The following CTSC variants were observed in gnomAD, a reference collection of about 807,000 sequenced individuals.
The protein encoded by CTSC is dipeptidyl peptidase 1.
Under a neutral mutation model 40.9 loss-of-function variants are expected in CTSC, and 37 were observed. The observed-to-expected ratio is 0.91, with a 90% CI of 0.70 to 1.19. The LOEUF (loss-of-function observed/expected upper bound fraction) is 1.19, where lower values mean the gene tolerates loss of function less well. Ranked by LOEUF, CTSC falls within the 50% of genes most tolerant of loss-of-function variation. The pLI, the probability that CTSC is intolerant of heterozygous loss-of-function variation, is 0.00. For synonymous variants in CTSC, 232 were observed against 207.4 expected, an observed-to-expected ratio of 1.12 and a Z score of -1.02; for missense variants, 594 against 567.3, an observed-to-expected ratio of 1.05 and a Z score of -0.48.
chr11:88,302,258 T>C (rs1343112462), intron 4 of CTSC, among the ~76,000 whole-genome samples: 3 of 152,214 alleles, frequency 2.0e-5, no homozygotes, highest in African/African-American at 7.2e-5. Context: ...TCTGGGCTAC[T>C]TCATGCCCTC....
intron 2 of CTSC, among the ~76,000 whole-genome samples, chr11:88,331,769 G>A (rs1341819834): frequency 1.3e-5 from 2 of 152,168 alleles, no homozygotes; most frequent in Non-Finnish European, 2.9e-5. Context: ...TGTTCCTTCT[G>A]CTATGGTATG....
chr11:88,324,762 G>A lies in CTSC; in HGVS notation c.318+10175C>T, dbSNP rs769642250. 2.1e-5 allele frequency: 21 copies of A among 985,396 alleles called. No individual in the cohort carries two copies. The East Asian group carries it at 3.4e-4, about 16-fold the overall frequency. 61.0% of individuals were successfully genotyped at this position (985,396 alleles called of 1,614,324 possible). A position where few individuals can be genotyped will look rare whatever the true frequency, so the allele number is the denominator to read the frequency against. On this transcript the variant is annotated intron_variant, in intron 2 of 6. Transcript: ENST00000227266. ...CTGATGTTTCTCACGGTAATAGAGA[G>A]AGCTGGGGAGGGTTTCAGAGAGCAG...
chr11:88,295,660 C>T (rs911614270), intron 6 of CTSC, among the ~76,000 whole-genome samples: 2 of 152,114 alleles, frequency 1.3e-5, no homozygotes, highest in African/African-American at 2.4e-5. Flanking sequence ...GGGTTATAGG[C>T]ATAAGCCACT....
rs541903302 is a variant in CTSC, at chr11:88,326,519, C to A, written c.318+8418G>T. The A allele has an allele frequency of 9.9e-4, 800 of 805,638 alleles. 9 individuals carry two copies. The African/African-American group carries it at 0.016, about 16-fold the overall frequency. 49.9% of individuals were successfully genotyped at this position (805,638 alleles called of 1,614,324 possible). A position where few individuals can be genotyped will look rare whatever the true frequency, so the allele number is the denominator to read the frequency against. On this transcript the variant is annotated intron_variant, in intron 2 of 6. Coordinates refer to ENST00000227266, the MANE Select transcript of CTSC (RefSeq NM_001814.6). Reference sequence around the variant, plus strand: ...TCTTAATATTTAATCATATCAGTTTCTTTAAGTAAAAAAAAAAAAAAATAC... The same window carrying A: ...TCTTAATATTTAATCATATCAGTTTATTTAAGTAAAAAAAAAAAAAAATAC...
chr11:88,324,721 A>C, intron 2 of CTSC: 1 of 985,372 alleles, frequency 1.0e-6, no homozygotes, highest in Non-Finnish European at 1.2e-6. Flanking sequence ...TGCGATATGC[A>C]ATGGGAACCA....
chr11:88,295,990 G>C (rs937577611), intron 6 of CTSC, 143 bp downstream of exon 6: 4 of 852,870 alleles, frequency 4.7e-6, no homozygotes, highest in Admixed American at 1.7e-5. Context: ...CCATTAATAA[G>C]TGATAGGGCC....
At chr11:88,325,762 A>T in intron 2 of CTSC, 1 of 985,404 alleles carries the variant, frequency 1.0e-6, no homozygotes, top group Non-Finnish European at 1.2e-6. Flanking sequence ...GGAGGTCTAT[A>T]ATCTGTAGAA....
At chr11:88,295,667 C>T (rs771028826) in intron 6 of CTSC, among the ~76,000 whole-genome samples, 27 of 152,094 alleles carry the variant, frequency 1.8e-4, no homozygotes, top group South Asian at 4.1e-4. Context: ...AGGCATAAGC[C>T]ACTGTGCCCA....
At chr11:88,306,926 G>C (rs1016660104) in intron 4 of CTSC, among the ~76,000 whole-genome samples, 10 of 152,132 alleles carry the variant, frequency 6.6e-5, no homozygotes, top group Non-Finnish European at 1.0e-4. Flanking sequence ...TGGGGCCAGA[G>C]CCCAAAAGCA....
intron 5 of CTSC, 85 bp from the exon 6 acceptor site, chr11:88,296,349 A>T: frequency 6.7e-7 from 1 of 1,499,786 alleles, no homozygotes; most frequent in African/African-American, 1.4e-5. Context: ...AATCACATAC[A>T]TTAATGTTTA....
Position 88,309,185 on chromosome 11 carries a change from C to T in CTSC, c.619G>A (p.Gly207Ser), listed in dbSNP as rs1254214608. ...TACCTTGGGATTTTTCGACTGTGGC[C>T]ACCACTTCTCCTAATCATATCTCCC... ...TLGDMIRRSG[G>S]HSRKIPRPKP... Residue 207 changes from glycine to serine, a missense_variant, in exon 4 of 7, where the codon GGC becomes AGC. Gly to Ser is a moderately conservative substitution (Grantham distance 56). Coordinates refer to ENST00000227266, the MANE Select transcript of CTSC (RefSeq NM_001814.6). 2 of 1,613,832 alleles carry T rather than the reference C, an allele frequency of 1.2e-6. No individual in the cohort carries two copies. Among genetic ancestry groups the T allele is most frequent in the Non-Finnish European group, 1.7e-6 (2 of 1,179,946 alleles).
intron 4 of CTSC, among the ~76,000 whole-genome samples, chr11:88,308,868 C>G (rs530049582): frequency 1.3e-5 from 2 of 152,204 alleles, no homozygotes; most frequent in African/African-American, 4.8e-5. Flanking sequence ...AGGTGGTTAC[C>G]GGCAGGAGGC....
intron 2 of CTSC, chr11:88,322,014 G>A (rs780407096): frequency 6.6e-6 from 1 of 152,170 alleles, no homozygotes; most frequent in African/African-American, 2.4e-5. Context: ...CAGTGATGTT[G>A]AGCTTTTCTT....
intron 2 of CTSC, among the ~76,000 whole-genome samples, chr11:88,320,175 A>G (rs1468494114): frequency 6.6e-6 from 1 of 152,238 alleles, no homozygotes; most frequent in East Asian, 1.9e-4. Context: ...GCCAGGAAAT[A>G]GTTACAGTGG....
chr11:88,312,268 C>A, intron 3 of CTSC, 120 bp downstream of exon 3: 1 of 933,292 alleles, frequency 1.1e-6, no homozygotes, highest in East Asian at 2.6e-5. Context: ...ACATAGCATG[C>A]CTAATATTTC....
Position 88,293,835 on chromosome 11 carries a change from C to T in CTSC, c.*171G>A, listed in dbSNP as rs888203438. The T allele has an allele frequency of 2.6e-5, 20 of 773,250 alleles. No homozygotes were observed. Among genetic ancestry groups the T allele is most frequent in the East Asian group, 1.6e-4 (6 of 37,014 alleles). 47.9% of individuals were successfully genotyped at this position (773,250 alleles called of 1,614,324 possible). On this transcript the variant is annotated 3_prime_UTR_variant, in exon 7 of 7. Coordinates refer to ENST00000227266, the MANE Select transcript of CTSC (RefSeq NM_001814.6). ...TACTTAGAAAAAAATGGCCAGTGGC[C>T]GATTGAAAGGTATATTAAAATTAAG...
chr11:88,326,732 A>C (rs763291926), intron 2 of CTSC, among the ~76,000 whole-genome samples: 1 of 152,228 alleles, frequency 6.6e-6, no homozygotes, highest in Non-Finnish European at 1.5e-5. Flanking sequence ...CATACTTAAG[A>C]AACAGGCTAA....
intron 6 of CTSC, among the ~76,000 whole-genome samples, chr11:88,295,673 G>T (rs538532223): frequency 2.0e-5 from 3 of 152,016 alleles, no homozygotes; most frequent in Admixed American, 2.0e-4. Flanking sequence ...AAGCCACTGT[G>T]CCCAGCCCTA....
At chr11:88,296,461 ATC>A in intron 5 of CTSC, 197 bp from the exon 6 acceptor site, 1 of 586,104 alleles carries the variant, frequency 1.7e-6, no homozygotes, top group Non-Finnish European at 3.0e-6. Flanking sequence ...ATCCTTTTTC[ATC>A]AAAAGGCAAA....
Sources: allele counts gnomAD v4.1 joint callset (sites outside exome capture counted in the v4.1 genomes callset), GRCh38; gene constraint gnomAD v4.1.1; transcripts MANE v1.5; gene names NCBI Gene and HGNC (gene_info 2026-07-23, HGNC 2026-07-21).